The following PANX1 variants were observed in gnomAD, a reference collection of about 807,000 sequenced individuals.
PANX1 encodes pannexin 1.
Under a neutral mutation model 38.7 loss-of-function variants are expected in PANX1, and 30 were observed. The ratio of observed to expected loss-of-function variants is 0.78; its 90% CI spans 0.58 to 1.05. The LOEUF (loss-of-function observed/expected upper bound fraction) is 1.05. Among genes scored for constraint, PANX1 ranks in the 50% least tolerant of loss-of-function variants. The probability of loss-of-function intolerance (pLI) is 0.00; values close to 1 mark genes in which losing one functional copy is unlikely to be tolerated. For synonymous variants in PANX1, 230 were observed against 212.2 expected (o/e 1.08, Z -0.73); for missense variants, 551 against 517.2 (o/e 1.07, Z -0.63).
At chr11:94,145,174 C>T (rs1012789062) in intron 1 of PANX1, among the ~76,000 whole-genome samples, 4 of 152,152 alleles carry the variant, frequency 2.6e-5, no homozygotes, top group Admixed American at 6.5e-5. Flanking sequence ...CGTGATGCCC[C>T]GCTTTCCCCT....
chr11:94,139,388 C>T (rs529697103), intron 1 of PANX1, among the ~76,000 whole-genome samples: 1 of 152,308 alleles, frequency 6.6e-6, no homozygotes, highest in African/African-American at 2.4e-5. Flanking sequence ...ATAGGAAGAG[C>T]ATCATTATCA....
intron 2 of PANX1, among the ~76,000 whole-genome samples, chr11:94,163,578 T>G (rs1057251944): frequency 1.3e-5 from 2 of 152,216 alleles, no homozygotes; most frequent in African/African-American, 4.8e-5. Context: ...TAAATCCCAC[T>G]TGGTTGTGAT....
chr11:94,162,162 G>A (rs1323581601), intron 2 of PANX1, among the ~76,000 whole-genome samples: 2 of 152,168 alleles, frequency 1.3e-5, no homozygotes, highest in Non-Finnish European at 2.9e-5. Context: ...GCTGCTCGGG[G>A]GTCAGGGACC....
intron 2 of PANX1, among the ~76,000 whole-genome samples, chr11:94,165,536 T>C (rs549977105): frequency 6.6e-6 from 1 of 152,352 alleles, no homozygotes; most frequent in South Asian, 2.1e-4. Context: ...TTTTTGTGTA[T>C]CTATTATAGG....
intron 1 of PANX1, among the ~76,000 whole-genome samples, chr11:94,142,384 C>G (rs1946773081): frequency 6.6e-6 from 1 of 152,114 alleles, no homozygotes; most frequent in Admixed American, 6.5e-5. Flanking sequence ...CCAAGCCCTC[C>G]TTGCCTTTAC....
At chr11:94,135,738 CATAA>C (rs1042790029) in intron 1 of PANX1, among the ~76,000 whole-genome samples, 2 of 152,196 alleles carry the variant, frequency 1.3e-5, no homozygotes, top group Admixed American at 1.3e-4. Flanking sequence ...GTAAAGGATT[CATAA>C]ATCTCTTTCA....
chr11:94,129,658 G>A lies in PANX1; in HGVS notation c.181+165G>A, dbSNP rs539939620. On this transcript the variant is annotated intron_variant, in intron 1 of 4. Coordinates refer to ENST00000227638, the MANE Select transcript of PANX1 (RefSeq NM_015368.4). The stretch of plus-strand genomic sequence containing the variant: ...TATGGTCCAAAGCGTTCTTTGCCCA[G>A]GTGTTTCATTGGTACCCTGGTCTAC... 6.6e-5 allele frequency among the ~76,000 whole-genome samples: 10 copies of A among 152,290 alleles called. 1 individual carries two copies. In the South Asian group the frequency reaches 1.9e-3, roughly 28 times the overall value.
intron 2 of PANX1, among the ~76,000 whole-genome samples, chr11:94,170,036 TTTTC>T (rs1306498343): frequency 6.6e-6 from 1 of 151,762 alleles, no homozygotes; most frequent in Non-Finnish European, 1.5e-5. Flanking sequence ...TTTTTCAAGT[TTTTC>T]TTTTTCTTTT....
At chr11:94,130,421 G>A (rs1946615419) in intron 1 of PANX1, among the ~76,000 whole-genome samples, 1 of 152,238 alleles carries the variant, frequency 6.6e-6, no homozygotes, top group African/African-American at 2.4e-5. Flanking sequence ...CCTAGCCAAG[G>A]CAGGAGGATA....
At chr11:94,171,149 G>A (rs1031573736) in intron 2 of PANX1, among the ~76,000 whole-genome samples, 11 of 151,412 alleles carry the variant, frequency 7.3e-5, no homozygotes, top group Admixed American at 7.2e-4. Context: ...TGTCCTCCTG[G>A]ATGGCACATC....
At chr11:94,159,330 A>C (rs1248440407) in intron 2 of PANX1, among the ~76,000 whole-genome samples, 16 of 152,038 alleles carry the variant, frequency 1.1e-4, no homozygotes, top group African/African-American at 2.7e-4. Context: ...AGGAATGGTA[A>C]CAGCTCCTCC....
intron 2 of PANX1, among the ~76,000 whole-genome samples, chr11:94,169,223 C>T (rs1280322498): frequency 2.0e-5 from 3 of 151,512 alleles, no homozygotes; most frequent in African/African-American, 4.9e-5. Flanking sequence ...CTGAGGGCTG[C>T]TCCAACATGG....
intron 2 of PANX1, among the ~76,000 whole-genome samples, chr11:94,165,026 A>G (rs946752430): frequency 1.3e-5 from 2 of 152,100 alleles, no homozygotes; most frequent in Non-Finnish European, 2.9e-5. Context: ...TTTGCATGGA[A>G]TATATTTTTC....
At position 94,129,447 on chromosome 11, in the gene PANX1, G is replaced by T. The variant is rs760031836; in HGVS notation, c.135G>T (p.Leu45=). 2.5e-6 allele frequency: 4 copies of T among 1,613,640 alleles called. No homozygotes were observed. The Admixed American group carries it at 6.7e-5, about 27-fold the overall frequency. The change falls in exon 1 of 5, where the codon CTG becomes CTT. Residue 45 remains leucine (L), a synonymous_variant. Transcript: ENST00000227638. ...DKMVTCIAVG[L]PLLLISLAFA... The stretch of plus-strand genomic sequence containing the variant: ...TGGTCACGTGCATTGCGGTGGGGCT[G>T]CCCCTGCTGCTCATCTCGCTGGCCT...
chr11:94,147,430 G>T (rs538728702), intron 1 of PANX1, among the ~76,000 whole-genome samples: 30 of 152,204 alleles, frequency 2.0e-4, no homozygotes, highest in East Asian at 5.8e-4. Flanking sequence ...AATTATATGG[G>T]TTTTTTCTGT....
intron 2 of PANX1, among the ~76,000 whole-genome samples, chr11:94,160,120 T>A (rs199634567): frequency 6.6e-6 from 1 of 151,492 alleles, no homozygotes; most frequent in African/African-American, 2.4e-5. Context: ...TGTTCTTTTA[T>A]ATTTGCTGAG....
At chr11:94,162,714 C>G (rs144630552) in intron 2 of PANX1, among the ~76,000 whole-genome samples, 1 of 152,152 alleles carries the variant, frequency 6.6e-6, no homozygotes, top group African/African-American at 2.4e-5. Flanking sequence ...GGGTGCGCGG[C>G]ACCCACTGTC....
intron 1 of PANX1, among the ~76,000 whole-genome samples, chr11:94,143,099 C>T (rs1946782800): frequency 6.6e-6 from 1 of 152,224 alleles, no homozygotes; most frequent in South Asian, 2.1e-4. Flanking sequence ...TTGCCAGAGT[C>T]ACTAATCTTT....
intron 2 of PANX1, among the ~76,000 whole-genome samples, chr11:94,175,481 A>G (rs17586515): frequency 0.12 from 18,895 of 151,802 alleles, 1,460 homozygotes; most frequent in Non-Finnish European, 0.17. Flanking sequence ...AAAATACCAC[A>G]GACTGTAAAT....
Sources: allele counts gnomAD v4.1 joint callset (sites outside exome capture counted in the v4.1 genomes callset), GRCh38; gene constraint gnomAD v4.1.1; transcripts MANE v1.5; gene names NCBI Gene and HGNC (gene_info 2026-07-23, HGNC 2026-07-21).